The following KIRREL3 variants were observed in gnomAD, a reference collection of about 807,000 sequenced individuals.
The protein encoded by KIRREL3 is kirre like nephrin family adhesion molecule 3.
A neutral mutation model predicts 89.7 loss-of-function variants in KIRREL3; 36 were observed. That is an observed-to-expected ratio of 0.40 (90% CI 0.31 to 0.53). KIRREL3 has a LOEUF of 0.53. Ranked by LOEUF, KIRREL3 falls within the 20% of genes least tolerant of loss-of-function variation. The pLI is 0.49. For synonymous variants in KIRREL3, 445 were observed against 441.4 expected, an observed-to-expected ratio of 1.01 and a Z score of -0.10; for missense variants, 864 against 1,056.6, an observed-to-expected ratio of 0.82 and a Z score of 2.53.
At chr11:126,881,019 G>A (rs960673428) in intron 1 of KIRREL3, among the ~76,000 whole-genome samples, 2 of 152,140 alleles carry the variant, frequency 1.3e-5, no homozygotes, top group Non-Finnish European at 2.9e-5. Context: ...GTATGTTTGT[G>A]CTGAGAATGT....
At chr11:126,646,383 C>A (rs1460688651) in intron 1 of KIRREL3, among the ~76,000 whole-genome samples, 2 of 152,114 alleles carry the variant, frequency 1.3e-5, no homozygotes, top group South Asian at 2.1e-4. Context: ...CAAAATTTAA[C>A]CATGCCTTGG....
rs981435566 is a variant in KIRREL3, at chr11:126,513,913, G to A, written c.433+7402C>T. On this transcript the variant is annotated intron_variant, in intron 4 of 16. Coordinates refer to ENST00000525144, the MANE Select transcript of KIRREL3 (RefSeq NM_032531.4). This position sits in a 1 kb window ranked among gnomAD's most constrained non-coding sequence, Gnocchi z 5.9. ...GCTATAATATAACTTAGAGGTGAGA[G>A]ACTATATGTCAGCCTCAGATACCCT... Among the ~76,000 whole-genome samples, 1 of 152,172 alleles carries A rather than the reference G, an allele frequency of 6.6e-6. No individual in the cohort carries two copies. The highest frequency in any genetic ancestry group is 1.5e-5 in the Non-Finnish European group (1 of 68,042).
chr11:126,481,272 T>A (rs1957210248), intron 4 of KIRREL3, among the ~76,000 whole-genome samples: 1 of 152,224 alleles, frequency 6.6e-6, no homozygotes, highest in Non-Finnish European at 1.5e-5. Flanking sequence ...GTTGTTACTT[T>A]TTGTTTTCTT....
Position 126,452,551 on chromosome 11 carries a change from G to A in KIRREL3, c.849-3394C>T, listed in dbSNP as rs932966467. On this transcript the variant is annotated intron_variant, in intron 7 of 16. Transcript: ENST00000525144. The stretch of plus-strand genomic sequence containing the variant: ...GCCCAGGTGATAGGGCCAAGCATGC[G>A]TCTTCCTCAGGGCTTCCTGGAGAAG... Among the ~76,000 whole-genome samples the A allele has an allele frequency of 2.0e-5, 3 of 152,222 alleles. No homozygotes were observed. In the East Asian group the frequency reaches 5.8e-4, roughly 29 times the overall value.
rs1430398046 is a variant in KIRREL3, at chr11:126,764,608, C to T, written c.56-201696G>A. 1.3e-5 allele frequency among the ~76,000 whole-genome samples: 2 copies of T among 152,220 alleles called. No individual in the cohort carries two copies. Among genetic ancestry groups the T allele is most frequent in the Non-Finnish European group, 2.9e-5 (2 of 68,046 alleles). ...CTGGATCTCAATCCCCAAAACAATTCCCTGCTCATTCTATGAGTTACAGTT... is the reference window on the plus strand; with the variant it reads ...CTGGATCTCAATCCCCAAAACAATTTCCTGCTCATTCTATGAGTTACAGTT... On this transcript the variant is annotated intron_variant, in intron 1 of 16. Coordinates refer to ENST00000525144, the MANE Select transcript of KIRREL3 (RefSeq NM_032531.4). The surrounding 1 kb of genome is among the most constrained non-coding windows in gnomAD (Gnocchi z 4.2).
Position 126,571,467 on chromosome 11 carries a change from C to T in KIRREL3, c.56-8555G>A, listed in dbSNP as rs1457644297. Among the ~76,000 whole-genome samples the T allele has an allele frequency of 6.6e-6, 1 of 152,238 alleles. No homozygotes were observed. Among genetic ancestry groups the T allele is most frequent in the African/African-American group, 2.4e-5 (1 of 41,464 alleles). On this transcript the variant is annotated intron_variant, in intron 1 of 16. Transcript: ENST00000525144. The surrounding 1 kb of genome is among the most constrained non-coding windows in gnomAD (Gnocchi z 7.7). ...TTGGCCAGCATCACCAAGTGTCTGC[C>T]ACCTGGGACCAGGCTCATGTAGTTC...
intron 2 of KIRREL3, among the ~76,000 whole-genome samples, chr11:126,547,946 G>C (rs1938945004): frequency 6.6e-6 from 1 of 152,156 alleles, no homozygotes; most frequent in South Asian, 2.1e-4. Flanking sequence ...GATCTAATCT[G>C]TCTGAGCCTC....
chr11:126,925,262 C>T (rs1172976156), intron 1 of KIRREL3, among the ~76,000 whole-genome samples: 3 of 152,168 alleles, frequency 2.0e-5, no homozygotes, highest in South Asian at 2.1e-4. Flanking sequence ...TGGGATCTAA[C>T]ATGCATGTGT....
At position 126,803,901 on chromosome 11, in the gene KIRREL3, T is replaced by C. The variant is rs186663178; in HGVS notation, c.55+196554A>G. Among the ~76,000 whole-genome samples, 10 of 152,316 alleles carry C rather than the reference T, an allele frequency of 6.6e-5. No individual in the cohort carries two copies. In the East Asian group the frequency reaches 1.9e-3, roughly 29 times the overall value. On this transcript the variant is annotated intron_variant, in intron 1 of 16. Transcript: ENST00000525144. ...TATCTGTTGCCAAGGCAATGGGTAA[T>C]AACATCAAATTGGAAGCGGGCCCTT... is the stretch of plus-strand genomic sequence containing the variant.
intron 1 of KIRREL3, among the ~76,000 whole-genome samples, chr11:126,820,557 T>A (rs1269880620): frequency 6.6e-6 from 1 of 152,046 alleles, no homozygotes; most frequent in Non-Finnish European, 1.5e-5. Flanking sequence ...AAAATTTTGT[T>A]GAAGGAGGGA....
rs1198826534 is a variant in KIRREL3, at chr11:126,883,625, T to G, written c.55+116830A>C. Among the ~76,000 whole-genome samples, 1 of 152,132 alleles carries G rather than the reference T, an allele frequency of 6.6e-6. No homozygotes were observed. Among genetic ancestry groups the G allele is most frequent in the African/African-American group, 2.4e-5 (1 of 41,434 alleles). On this transcript the variant is annotated intron_variant, in intron 1 of 16. Coordinates refer to ENST00000525144, the MANE Select transcript of KIRREL3 (RefSeq NM_032531.4). The surrounding 1 kb of genome is among the most constrained non-coding windows in gnomAD (Gnocchi z 4.1). Reference sequence around the variant, plus strand: ...GAATGTATTGTTCTTACGTCAGCACTCCCATAAAACCTCTATTTTAGCATT... The same window carrying G: ...GAATGTATTGTTCTTACGTCAGCACGCCCATAAAACCTCTATTTTAGCATT...
intron 1 of KIRREL3, among the ~76,000 whole-genome samples, chr11:126,893,605 C>G (rs911453297): frequency 6.6e-6 from 1 of 152,152 alleles, no homozygotes; most frequent in Non-Finnish European, 1.5e-5. Flanking sequence ...GTGGAAGGCC[C>G]GGCTACCCGG....
chr11:126,691,566 T>A (rs1043377883), intron 1 of KIRREL3, among the ~76,000 whole-genome samples: 1 of 152,182 alleles, frequency 6.6e-6, no homozygotes. Flanking sequence ...TTGTAGACGG[T>A]TAAAATAAAT....
intron 1 of KIRREL3, among the ~76,000 whole-genome samples, chr11:126,849,678 G>A (rs1387594039): frequency 1.3e-5 from 2 of 152,176 alleles, no homozygotes; most frequent in African/African-American, 4.8e-5. Flanking sequence ...CTAAAGGGCG[G>A]TGGGGAGAAC....
intron 1 of KIRREL3, among the ~76,000 whole-genome samples, chr11:126,577,351 A>G (rs1048538756): frequency 2.6e-5 from 4 of 152,084 alleles, no homozygotes; most frequent in Non-Finnish European, 4.4e-5. Flanking sequence ...AACCCAGGGA[A>G]TACCAGGTCT....
chr11:126,804,523 C>A (rs1951142840), intron 1 of KIRREL3, among the ~76,000 whole-genome samples: 1 of 152,118 alleles, frequency 6.6e-6, no homozygotes, highest in Non-Finnish European at 1.5e-5. Flanking sequence ...AAGATGTCAG[C>A]AGAAGTGAGT....
chr11:126,835,044 GA>G (rs1380300274), intron 1 of KIRREL3, among the ~76,000 whole-genome samples: 2 of 152,204 alleles, frequency 1.3e-5, no homozygotes, highest in African/African-American at 4.8e-5. Flanking sequence ...AATTTTGTTT[GA>G]AATTTTCTGT....
chr11:126,439,327 C>T (rs1016718589), intron 11 of KIRREL3, among the ~76,000 whole-genome samples: 2 of 151,476 alleles, frequency 1.3e-5, no homozygotes, highest in Non-Finnish European at 2.9e-5. Context: ...GAGACTCTGT[C>T]TCAAAAAAGA....
chr11:126,694,410 T>C lies in KIRREL3; in HGVS notation c.56-131498A>G, dbSNP rs1947004454. Among the ~76,000 whole-genome samples the C allele has an allele frequency of 1.3e-5, 2 of 152,186 alleles. No homozygotes were observed. The highest frequency in any genetic ancestry group is 1.3e-4 in the Admixed American group (2 of 15,278). ...GGCTGTCTGGACTGGGGATTCTGTC[T>C]GATTGTGTCAGCATCACGCTCCGTG... is the stretch of plus-strand genomic sequence containing the variant. On this transcript the variant is annotated intron_variant, in intron 1 of 16. Coordinates refer to ENST00000525144, the MANE Select transcript of KIRREL3 (RefSeq NM_032531.4). The surrounding 1 kb of genome is among the most constrained non-coding windows in gnomAD (Gnocchi z 4.4).
Sources: allele counts gnomAD v4.1 joint callset (sites outside exome capture counted in the v4.1 genomes callset), GRCh38; gene constraint gnomAD v4.1.1; non-coding constraint Gnocchi (gnomAD v3.1); transcripts MANE v1.5; gene names NCBI Gene and HGNC (gene_info 2026-07-23, HGNC 2026-07-21).